The following PLB1 variants were observed in gnomAD, a reference collection of about 807,000 sequenced individuals.
PLB1 encodes the protein phospholipase B1, membrane-associated.
PLB1 carries 242 observed loss-of-function variants against 227.4 expected under a neutral mutation model. The observed-to-expected ratio is 1.06, with a 90% CI of 0.96 to 1.18. PLB1 has a LOEUF of 1.18. Among genes scored for constraint, PLB1 ranks in the 50% most tolerant of loss-of-function variants. The probability of loss-of-function intolerance (pLI) is 0.00; values close to 1 mark genes in which losing one functional copy is unlikely to be tolerated. For synonymous variants in PLB1, 757 were observed against 682.2 expected (o/e 1.11, Z -1.71); for missense variants, 1,858 against 1,816.3 (o/e 1.02, Z -0.42).
chr2:28,601,460 A>G, intron 37 of PLB1, 128 bp downstream of exon 37: 1 of 689,292 alleles, frequency 1.5e-6, no homozygotes, highest in Non-Finnish European at 2.5e-6. Context: ...GTCTGCACAT[A>G]TACACATACC....
intron 57 of PLB1, among the ~76,000 whole-genome samples, chr2:28,642,184 T>G (rs1690050120): frequency 6.6e-6 from 1 of 152,216 alleles, no homozygotes; most frequent in South Asian, 2.1e-4. Context: ...GTACCTCTCA[T>G]GAGACACCGA....
intron 26 of PLB1, among the ~76,000 whole-genome samples, chr2:28,587,760 A>G (rs1048575936): frequency 6.6e-6 from 1 of 152,196 alleles, no homozygotes; most frequent in Non-Finnish European, 1.5e-5. Flanking sequence ...TGATTGCTGA[A>G]GCCTCAGTCA....
intron 20 of PLB1, among the ~76,000 whole-genome samples, chr2:28,569,447 G>A (rs193225477): frequency 4.2e-4 from 64 of 152,158 alleles, no homozygotes; most frequent in Non-Finnish European, 9.0e-4. Context: ...CAATTAGAAT[G>A]CATGAGATTG....
At chr2:28,562,834 G>T (rs1284857472) in intron 17 of PLB1, among the ~76,000 whole-genome samples, 2 of 151,994 alleles carry the variant, frequency 1.3e-5, no homozygotes, top group African/African-American at 4.8e-5. Context: ...GTGCCCCAGA[G>T]AGGAAGCCAG....
At chr2:28,608,486 C>T (rs1684990741) in intron 43 of PLB1, among the ~76,000 whole-genome samples, 1 of 152,238 alleles carries the variant, frequency 6.6e-6, no homozygotes, top group African/African-American at 2.4e-5. Context: ...CTCCCTTCTC[C>T]CATCCGCAGT....
rs561173519 is a variant in PLB1, at chr2:28,567,630, C to T, written c.1324+791C>T. Among the ~76,000 whole-genome samples the T allele has an allele frequency of 3.4e-3, 517 of 152,096 alleles. 2 individuals carry two copies. The highest frequency in any genetic ancestry group is 6.9e-3 in the Admixed American group (105 of 15,286). ...CTGGGACTACAGGCCCCCGCCACCA[C>T]ACCCAGCTAATTTTTGTATTTTTAA... On this transcript the variant is annotated intron_variant, in intron 20 of 57. Coordinates refer to ENST00000327757, the MANE Select transcript of PLB1 (RefSeq NM_153021.5).
chr2:28,585,648 T>A, intron 25 of PLB1, 113 bp from the exon 26 acceptor site: 2 of 889,188 alleles, frequency 2.2e-6, no homozygotes, highest in South Asian at 2.9e-5. Context: ...AGCACAGATC[T>A]CTGAACTCCA....
chr2:28,601,999 C>G, intron 38 of PLB1, 35 bp downstream of exon 38: 2 of 1,549,836 alleles, frequency 1.3e-6, no homozygotes, highest in Middle Eastern at 3.4e-4. Flanking sequence ...GGTAACAGCT[C>G]AAGCATGGTG....
chr2:28,564,234 C>T (rs1049070775), intron 18 of PLB1, among the ~76,000 whole-genome samples: 1 of 152,112 alleles, frequency 6.6e-6, no homozygotes, highest in Admixed American at 6.5e-5. Context: ...AGAGCAAGGC[C>T]CTGTCTCTAA....
intron 6 of PLB1, among the ~76,000 whole-genome samples, chr2:28,526,863 C>T (rs142333359): frequency 2.7e-4 from 41 of 152,282 alleles, no homozygotes; most frequent in Non-Finnish European, 5.3e-4. Context: ...GATGCTGGCC[C>T]TGCCTTACAG....
intron 22 of PLB1, among the ~76,000 whole-genome samples, chr2:28,579,068 G>A (rs1011934223): frequency 2.6e-5 from 4 of 152,168 alleles, no homozygotes; most frequent in African/African-American, 9.7e-5. Context: ...TCCCAGAGGT[G>A]GCAAAATCTT....
chr2:28,535,213 G>A (rs904119742), intron 9 of PLB1, among the ~76,000 whole-genome samples: 13 of 152,234 alleles, frequency 8.5e-5, no homozygotes, highest in Admixed American at 5.2e-4. Flanking sequence ...TTAAACAGCT[G>A]TAAACCAATA....
At chr2:28,563,438 G>A (rs1339183897) in intron 18 of PLB1, among the ~76,000 whole-genome samples, 2 of 152,064 alleles carry the variant, frequency 1.3e-5, no homozygotes, top group African/African-American at 4.8e-5. Flanking sequence ...GATTGGACAA[G>A]ATCTCCAGAC....
Position 28,578,170 on chromosome 2 carries a change from G to T in PLB1, c.1485+12G>T. ...TGAAGAATGACACGGTGGGTCCCTGGGATGGGAAGTAGGCAGGAAAAATCC... is the reference window on the plus strand; with the variant it reads ...TGAAGAATGACACGGTGGGTCCCTGTGATGGGAAGTAGGCAGGAAAAATCC... On this transcript the variant is annotated intron_variant, in intron 22 of 57. Coordinates refer to ENST00000327757, the MANE Select transcript of PLB1 (RefSeq NM_153021.5). The T allele has an allele frequency of 6.2e-7, 1 of 1,613,580 alleles. No homozygotes were observed.
At chr2:28,629,044 C>T (rs1688224204) in intron 52 of PLB1, 50 bp from the exon 53 acceptor site, 6 of 1,520,202 alleles carry the variant, frequency 3.9e-6, no homozygotes, top group Non-Finnish European at 5.4e-6. Flanking sequence ...CCCCAGGTTC[C>T]TCCCAGCAGT....
chr2:28,508,863 T>C (rs556489377), intron 1 of PLB1, among the ~76,000 whole-genome samples: 137 of 152,326 alleles, frequency 9.0e-4, no homozygotes, highest in African/African-American at 3.2e-3. Flanking sequence ...CCCAAGAATT[T>C]AATGTGCACT....
rs1357968545 is a variant in PLB1 at position 28,620,294 on chromosome 2, C to T, written c.3345C>T (p.Ser1115=). 4.4e-6 allele frequency: 7 copies of T among 1,606,604 alleles called. No individual in the cohort carries two copies. The highest frequency in any genetic ancestry group is 5.1e-6 in the Non-Finnish European group (6 of 1,175,798). Residue 1115 remains serine, a synonymous_variant, in exon 47 of 58, where the codon TCC becomes TCT. Transcript: ENST00000327757. ...TTAVGARPNN[S]SDLPTSWRGL... ...CAGTGGGAGCTCGACCAAACAACTC[C>T]AGTGACCTACCCACATCTTGGAGGG...
chr2:28,581,977 A>G (rs1260360211), intron 23 of PLB1, 91 bp from the exon 24 acceptor site: 4 of 1,308,404 alleles, frequency 3.1e-6, no homozygotes, highest in Non-Finnish European at 4.3e-6. Flanking sequence ...AGAAAAAAAA[A>G]AAAGAAGGGG....
rs1028193407 is a variant in PLB1 at position 28,527,035 on chromosome 2, A to G, written c.325+1090A>G. The stretch of plus-strand genomic sequence containing the variant: ...GAGGCCCATTACCAACTCCGTGGCT[A>G]TCACAGCTGTGCCTAGGCTTGGCCC... On this transcript the variant is annotated intron_variant, in intron 6 of 57. Transcript: ENST00000327757. Among the ~76,000 whole-genome samples, 8 of 152,194 alleles carry G rather than the reference A, an allele frequency of 5.3e-5. No homozygotes were observed. The East Asian group carries it at 5.8e-4, about 11-fold the overall frequency.
Sources: gnomAD v4.1 joint callset for allele counts (sites outside exome capture counted in the v4.1 genomes callset) on GRCh38, gnomAD v4.1.1 for gene constraint, MANE v1.5 for transcripts, NCBI Gene and HGNC (gene_info 2026-07-23, HGNC 2026-07-21) for gene names.